ZCCHC24: variants seen among roughly 807,000 people sequenced by gnomAD.
ZCCHC24 encodes the protein zinc finger CCHC domain-containing protein 24.
ZCCHC24 carries 10 observed loss-of-function variants against 26.2 expected under a neutral mutation model. The observed-to-expected ratio is 0.38, with a 90% CI of 0.24 to 0.65. The LOEUF is 0.65. Ranked by LOEUF, ZCCHC24 falls within the 30% of genes least tolerant of loss-of-function variation. The pLI, the probability that ZCCHC24 is intolerant of heterozygous loss-of-function variation, is 0.54. For missense variants in ZCCHC24, 243 were observed against 329.1 expected (o/e 0.74, Z 2.03); for synonymous variants, 144 against 147.1 (o/e 0.98, Z 0.15).
intron 2 of ZCCHC24, among the ~76,000 whole-genome samples, chr10:79,409,651 G>T (rs1192204438): frequency 8.5e-5 from 13 of 152,224 alleles, no homozygotes; most frequent in South Asian, 4.1e-4. Flanking sequence ...GGATGGGGCA[G>T]GCAGCGGCCT....
intron 2 of ZCCHC24, among the ~76,000 whole-genome samples, chr10:79,395,520 C>A (rs1473348618): frequency 1.3e-5 from 2 of 152,146 alleles, no homozygotes; most frequent in African/African-American, 4.8e-5. Context: ...TGCCACTGCC[C>A]CTTCTTCCCA....
intron 2 of ZCCHC24, among the ~76,000 whole-genome samples, chr10:79,404,859 A>C (rs1430159807): frequency 6.6e-6 from 1 of 152,196 alleles, no homozygotes; most frequent in African/African-American, 2.4e-5. Flanking sequence ...TCAAATAAAG[A>C]AAAGTCACTC....
In ZCCHC24 at chr10:79,389,514, C is replaced by G. The variant is rs908359952; in HGVS notation, c.613-3056G>C. Among the ~76,000 whole-genome samples the G allele has an allele frequency of 8.2e-5, 12 of 145,822 alleles. No individual in the cohort carries two copies. In the South Asian group the frequency reaches 1.6e-3, roughly 19 times the overall value. On this transcript the variant is annotated intron_variant, in intron 3 of 3. Transcript: ENST00000372336. ...ATCTGGGTGAGAGGTTAATAACATT[C>G]ACTGACTTTTTCCTAGTGTGTGTGT...
intron 2 of ZCCHC24, among the ~76,000 whole-genome samples, chr10:79,421,117 C>T (rs994358228): frequency 8.6e-5 from 13 of 151,870 alleles, no homozygotes; most frequent in African/African-American, 2.9e-4. Flanking sequence ...CCTCGAGGCC[C>T]GGACACTGGG....
chr10:79,429,132 A>G (rs576732432), intron 2 of ZCCHC24, among the ~76,000 whole-genome samples: 5 of 152,350 alleles, frequency 3.3e-5, no homozygotes, highest in Admixed American at 2.6e-4. Context: ...ACACTATAAC[A>G]TGGATGAACC....
At chr10:79,444,194 G>C (rs938175412) in intron 1 of ZCCHC24, 1 of 1,525,510 alleles carries the variant, frequency 6.6e-7, no homozygotes, top group Non-Finnish European at 8.8e-7. Context: ...CCCCACAAGG[G>C]GAGGAAGTGA....
intron 1 of ZCCHC24, among the ~76,000 whole-genome samples, chr10:79,438,152 T>C (rs910710386): frequency 6.6e-6 from 1 of 152,174 alleles, no homozygotes; most frequent in African/African-American, 2.4e-5. Context: ...TCCCTAGCTC[T>C]GTAGGGGTTC....
intron 2 of ZCCHC24, among the ~76,000 whole-genome samples, chr10:79,403,214 G>T (rs546843778): frequency 6.6e-6 from 1 of 152,380 alleles, no homozygotes; most frequent in South Asian, 2.1e-4. Context: ...CCAAGTGACA[G>T]GCATGGGACC....
rs1199187901 is a variant in ZCCHC24 at position 79,444,026 on chromosome 10, T to C, written c.246+1169A>G. 4.1e-6 allele frequency: 6 copies of C among 1,461,172 alleles called. No homozygotes were observed. The Admixed American group carries it at 8.1e-5, about 20-fold the overall frequency. The allele number at this position is 1,461,172 out of a possible 1,614,324, so 90.5% of individuals were successfully genotyped here. A position where few individuals can be genotyped will look rare whatever the true frequency, so the allele number is the denominator to read the frequency against. On this transcript the variant is annotated intron_variant, in intron 1 of 3. Coordinates refer to ENST00000372336, the MANE Select transcript of ZCCHC24 (RefSeq NM_153367.4). ...AAGGGCGACCCTCTGCCTCCCTCTC[T>C]TACCCCCAGCACACCCTTGCGTACA...
intron 3 of ZCCHC24, among the ~76,000 whole-genome samples, chr10:79,392,836 T>C (rs1209623610): frequency 1.3e-5 from 2 of 152,246 alleles, no homozygotes; most frequent in Non-Finnish European, 2.9e-5. Context: ...AAACCTTGGT[T>C]GTAGTTCAAG....
At chr10:79,441,309 AG>A (rs1344462881) in intron 1 of ZCCHC24, among the ~76,000 whole-genome samples, 1 of 152,088 alleles carries the variant, frequency 6.6e-6, no homozygotes, top group African/African-American at 2.4e-5. Context: ...CTTTTAAAGG[AG>A]GACACTGTAT....
At chr10:79,389,210 G>A (rs1856438633) in intron 3 of ZCCHC24, among the ~76,000 whole-genome samples, 1 of 152,222 alleles carries the variant, frequency 6.6e-6, no homozygotes, top group South Asian at 2.1e-4. Context: ...CACCCTGACT[G>A]GCATCTGCCT....
At chr10:79,429,428 A>C (rs1047209545) in intron 2 of ZCCHC24, among the ~76,000 whole-genome samples, 2 of 152,126 alleles carry the variant, frequency 1.3e-5, no homozygotes, top group African/African-American at 4.8e-5. Flanking sequence ...TTAAAAACAG[A>C]AAAATTAGCC....
chr10:79,431,992 C>G (rs1447838684), intron 2 of ZCCHC24, among the ~76,000 whole-genome samples: 2 of 152,176 alleles, frequency 1.3e-5, no homozygotes, highest in Non-Finnish European at 2.9e-5. Context: ...CCGACCCTCC[C>G]TTCTCACTCC....
At chr10:79,412,822 G>A (rs1045333833) in intron 2 of ZCCHC24, among the ~76,000 whole-genome samples, 2 of 152,206 alleles carry the variant, frequency 1.3e-5, no homozygotes, top group Non-Finnish European at 2.9e-5. Flanking sequence ...GGTTTCCCCC[G>A]TGTAAGTAGG....
intron 1 of ZCCHC24, among the ~76,000 whole-genome samples, chr10:79,432,962 A>C (rs535958808): frequency 7.2e-5 from 11 of 152,312 alleles, no homozygotes; most frequent in African/African-American, 2.6e-4. Context: ...CCCTATCTGC[A>C]AAATGGTCCT....
At chr10:79,434,212 A>C (rs1216413453) in intron 1 of ZCCHC24, among the ~76,000 whole-genome samples, 4 of 152,206 alleles carry the variant, frequency 2.6e-5, no homozygotes, top group African/African-American at 9.6e-5. Flanking sequence ...CCCAGCACAC[A>C]GTCACCTATA....
chr10:79,394,482 G>A (rs1356208464), intron 2 of ZCCHC24, 42 bp from the exon 3 acceptor site: 1 of 1,597,152 alleles, frequency 6.3e-7, no homozygotes, highest in East Asian at 2.2e-5. Flanking sequence ...GAGTCCAAAG[G>A]CCAAGATGAT....
intron 1 of ZCCHC24, among the ~76,000 whole-genome samples, chr10:79,435,113 C>A (rs1033063838): frequency 2.0e-5 from 3 of 152,186 alleles, no homozygotes; most frequent in Non-Finnish European, 4.4e-5. Context: ...AACTTGAAGC[C>A]CCAAATGGTG....
Sources: allele counts gnomAD v4.1 joint callset (sites outside exome capture counted in the v4.1 genomes callset), GRCh38; gene constraint gnomAD v4.1.1; transcripts MANE v1.5; gene names NCBI Gene and HGNC (gene_info 2026-07-23, HGNC 2026-07-21).